Variants in OR9Q1 observed in about 807,000 individuals in gnomAD.
OR9Q1 encodes olfactory receptor 9Q1.
For synonymous variants in OR9Q1, 153 were observed against 148.6 expected, an observed-to-expected ratio of 1.03 and a Z score of -0.22; for missense variants, 374 against 378.8, an observed-to-expected ratio of 0.99 and a Z score of 0.11.
chr11:58,081,016 G>C (rs1224185595), intron 2 of OR9Q1, among the ~76,000 whole-genome samples: 1 of 151,722 alleles, frequency 6.6e-6, no homozygotes, highest in Non-Finnish European at 1.5e-5. Flanking sequence ...CCCGTCCTGT[G>C]TCCATGTGTT....
intron 1 of OR9Q1, chr11:58,044,344 T>G (rs10750879): frequency 0.26 from 39,811 of 152,064 alleles, 5,747 homozygotes; most frequent in East Asian, 0.6. Flanking sequence ...CTCTTCTGGG[T>G]CAGGGAAGGC....
At chr11:58,030,866 T>C (rs1198934923) in intron 1 of OR9Q1, 1 of 795,274 alleles carries the variant, frequency 1.3e-6, no homozygotes, top group Non-Finnish European at 2.1e-6. Context: ...AAAGGCATTT[T>C]AGTACAACAT....
At chr11:58,028,586 G>A (rs1021138514) in intron 1 of OR9Q1, among the ~76,000 whole-genome samples, 4 of 152,142 alleles carry the variant, frequency 2.6e-5, no homozygotes, top group African/African-American at 9.7e-5. Flanking sequence ...GAGCATCTGT[G>A]TGCAGTATCT....
At chr11:58,053,379 A>G (rs952570592) in intron 1 of OR9Q1, among the ~76,000 whole-genome samples, 4 of 141,510 alleles carry the variant, frequency 2.8e-5, no homozygotes, top group Admixed American at 7.5e-5. Context: ...GTTCTCACTC[A>G]TAGGTGGGAA....
intron 2 of OR9Q1, among the ~76,000 whole-genome samples, chr11:58,139,888 A>T (rs1264933689): frequency 6.6e-6 from 1 of 151,882 alleles, no homozygotes; most frequent in Non-Finnish European, 1.5e-5. Context: ...GAACTAGTTT[A>T]CAGTCCCACC....
rs1854659356 is a variant in OR9Q1 at position 58,180,916 on chromosome 11, C to T, written c.*539C>T. The T allele has an allele frequency of 6.0e-6, 1 of 166,902 alleles. No individual in the cohort carries two copies. The highest frequency in any genetic ancestry group is 2.1e-4 in the South Asian group (1 of 4,820). 10.3% of individuals were successfully genotyped at this position (166,902 alleles called of 1,614,324 possible). On this transcript the variant is annotated 3_prime_UTR_variant, in exon 3 of 3. Transcript: ENST00000335397. ...AGCATTAGTACCCTTTACTTCTATG[C>T]ACTTCAGAATTATATCATCAATTAG...
intron 1 of OR9Q1, among the ~76,000 whole-genome samples, chr11:58,055,027 G>A (rs185608583): frequency 6.6e-6 from 1 of 152,328 alleles, no homozygotes; most frequent in East Asian, 1.9e-4. Context: ...AGAGGATGAA[G>A]TTTGAGCAAA....
At chr11:58,139,767 A>G (rs1374981394) in intron 2 of OR9Q1, among the ~76,000 whole-genome samples, 1 of 152,170 alleles carries the variant, frequency 6.6e-6, no homozygotes, top group Non-Finnish European at 1.5e-5. Flanking sequence ...TCTTTATAGC[A>G]GCAAGTTTTA....
chr11:58,179,374 A>T, intron 2 of OR9Q1, 57 bp from the exon 3 acceptor site: 1 of 1,063,300 alleles, frequency 9.4e-7, no homozygotes. Flanking sequence ...TGAACTACAA[A>T]TACAGGTAAA....
At chr11:58,112,556 G>A (rs981460554) in intron 2 of OR9Q1, among the ~76,000 whole-genome samples, 10 of 152,086 alleles carry the variant, frequency 6.6e-5, no homozygotes, top group Admixed American at 5.9e-4. Context: ...CTTTGTTTAT[G>A]CAGCCTGAGA....
At chr11:58,107,526 G>T (rs879115213) in intron 2 of OR9Q1, among the ~76,000 whole-genome samples, 1 of 152,170 alleles carries the variant, frequency 6.6e-6, no homozygotes, top group Non-Finnish European at 1.5e-5. Flanking sequence ...GGACATTTGG[G>T]TAGGTTCCAA....
intron 2 of OR9Q1, among the ~76,000 whole-genome samples, chr11:58,112,733 C>T (rs530667709): frequency 6.6e-6 from 1 of 152,148 alleles, no homozygotes; most frequent in South Asian, 2.1e-4. Flanking sequence ...TTCCTGGAAA[C>T]CCCAAGCTTA....
intron 2 of OR9Q1, chr11:58,059,790 A>G (rs541793630): frequency 1.3e-5 from 2 of 152,086 alleles, no homozygotes; most frequent in African/African-American, 4.8e-5. Context: ...AGTTTTATTA[A>G]CAGAAAGCAA....
chr11:58,144,415 A>C (rs945341361), intron 2 of OR9Q1: 1 of 151,390 alleles, frequency 6.6e-6, no homozygotes, highest in African/African-American at 2.4e-5. Context: ...TGCAGCCATA[A>C]AAATTTATCT....
intron 2 of OR9Q1, among the ~76,000 whole-genome samples, chr11:58,060,736 G>T (rs1329554824): frequency 6.6e-6 from 1 of 152,146 alleles, no homozygotes; most frequent in Non-Finnish European, 1.5e-5. Flanking sequence ...TACTTGGAAG[G>T]CTGTGCTATG....
At chr11:58,041,801 G>C (rs546135367) in intron 1 of OR9Q1, 1 of 152,324 alleles carries the variant, frequency 6.6e-6, no homozygotes, top group South Asian at 2.1e-4. Context: ...GTGCATTTCA[G>C]TCTCAATTGG....
rs370828996 is a variant in OR9Q1 at position 58,118,741 on chromosome 11, G to T, written c.-14-60690G>T. The T allele has an allele frequency of 3.3e-5, 54 of 1,613,952 alleles. No homozygotes were observed. The highest frequency in any genetic ancestry group is 4.5e-5 in the Non-Finnish European group (53 of 1,179,972). On this transcript the variant is annotated intron_variant, in intron 2 of 2. Transcript: ENST00000335397. ...AGAGGCACATGTGGAGAAAGTCTTG[G>T]CCCTGCCACCTGAAGACTTCACTTT...
At chr11:58,115,669 T>C (rs1341623785) in intron 2 of OR9Q1, among the ~76,000 whole-genome samples, 1 of 152,172 alleles carries the variant, frequency 6.6e-6, no homozygotes, top group Non-Finnish European at 1.5e-5. Flanking sequence ...CTGTCTGACA[T>C]GGGCGTCGAA....
intron 2 of OR9Q1, among the ~76,000 whole-genome samples, chr11:58,066,097 C>CCCCT (rs1344963229): frequency 2.1e-5 from 3 of 144,964 alleles, no homozygotes; most frequent in Non-Finnish European, 3.0e-5. Flanking sequence ...GTGGCTCCCT[C>CCCCT]CCCTCCCTCC....
Sources: allele counts gnomAD v4.1 joint callset (sites outside exome capture counted in the v4.1 genomes callset), GRCh38; gene constraint gnomAD v4.1.1; transcripts MANE v1.5; gene names NCBI Gene and HGNC (gene_info 2026-07-23, HGNC 2026-07-21).